GNG7: variants seen among roughly 807,000 people sequenced by gnomAD.
GNG7 encodes the protein G protein subunit gamma 7.
GNG7 carries 1 observed loss-of-function variant against 4.0 expected under a neutral mutation model. The ratio of observed to expected loss-of-function variants is 0.25; its 90% CI spans 0.09 to 1.18. The LOEUF (loss-of-function observed/expected upper bound fraction) is 1.18, where lower values mean the gene tolerates loss of function less well. Among genes scored for constraint, GNG7 ranks in the 50% most tolerant of loss-of-function variants. The probability of loss-of-function intolerance (pLI) is 0.50; values close to 1 mark genes in which losing one functional copy is unlikely to be tolerated. For synonymous variants in GNG7, 34 were observed against 36.9 expected (o/e 0.92, Z 0.29); for missense variants, 86 against 91.9 (o/e 0.94, Z 0.26).
At chr19:2,592,102 T>C (rs1980864719) in intron 2 of GNG7, among the ~76,000 whole-genome samples, 1 of 152,198 alleles carries the variant, frequency 6.6e-6, no homozygotes, top group Non-Finnish European at 1.5e-5. Flanking sequence ...TCCTGAGATA[T>C]TTAGACAAGG....
chr19:2,551,590 C>CAAATATATATTTATAAGTATGT (rs1568240124), intron 3 of GNG7, among the ~76,000 whole-genome samples: 1 of 122,576 alleles, frequency 8.2e-6, no homozygotes, highest in African/African-American at 3.0e-5. Context: ...TATAAATATG[C>CAAATATATATTTATAAGTATGT]ATTTATAAAT....
intron 1 of GNG7, among the ~76,000 whole-genome samples, chr19:2,652,678 T>C (rs1368085771): frequency 6.6e-6 from 1 of 150,480 alleles, no homozygotes; most frequent in Non-Finnish European, 1.5e-5. Context: ...AGAAGAGCGG[T>C]TAGTGGTAGA....
chr19:2,534,306 GCTCCACTCCCCA>G (rs1488792184), intron 3 of GNG7, among the ~76,000 whole-genome samples: 2 of 152,054 alleles, frequency 1.3e-5, no homozygotes, highest in Non-Finnish European at 2.9e-5. Flanking sequence ...AGTGGCCTCC[GCTCCACTCCCCA>G]CTCCCTCCAT....
intron 2 of GNG7, among the ~76,000 whole-genome samples, chr19:2,567,021 C>T (rs536605666): frequency 3.3e-5 from 5 of 151,710 alleles, no homozygotes; most frequent in South Asian, 2.1e-4. Context: ...AGGAGAATCG[C>T]TTGAATCCGG....
intron 2 of GNG7, among the ~76,000 whole-genome samples, chr19:2,567,397 A>G (rs1979955182): frequency 7.0e-6 from 1 of 143,276 alleles, no homozygotes; most frequent in Non-Finnish European, 1.5e-5. Context: ...CCCGTGGTGC[A>G]ATCACGCTGC....
intron 3 of GNG7, among the ~76,000 whole-genome samples, chr19:2,525,650 G>T (rs920328128): frequency 2.0e-5 from 3 of 152,158 alleles, no homozygotes; most frequent in African/African-American, 7.2e-5. Flanking sequence ...AGGGAGGGAG[G>T]TGGGACCACA....
chr19:2,550,703 G>A (rs1432418206), intron 3 of GNG7, among the ~76,000 whole-genome samples: 1 of 152,108 alleles, frequency 6.6e-6, no homozygotes, highest in Non-Finnish European at 1.5e-5. Context: ...CTCTGCCTCT[G>A]GCCAGCCCCC....
chr19:2,644,341 ATATATATATATATATAT>A, intron 2 of GNG7, among the ~76,000 whole-genome samples: 1 of 10,416 alleles, frequency 9.6e-5, no homozygotes, highest in Non-Finnish European at 1.9e-4. Context: ...ATATATATAT[ATATATATATATATATAT>A]ATATATATAT....
At chr19:2,552,717 G>A (rs1056303744) in intron 3 of GNG7, among the ~76,000 whole-genome samples, 3 of 151,278 alleles carry the variant, frequency 2.0e-5, no homozygotes, top group African/African-American at 4.9e-5. Flanking sequence ...AACAAGCTCC[G>A]GGCTCCCAGT....
intron 2 of GNG7, chr19:2,641,782 C>G (rs538066651): frequency 6.6e-6 from 1 of 152,060 alleles, no homozygotes; most frequent in Non-Finnish European, 1.5e-5. Flanking sequence ...CTGCCTCAGC[C>G]TCCTGAGTGG....
chr19:2,618,342 G>GTGTGT lies in GNG7; in HGVS notation c.-78+27881_-78+27882insACACA, dbSNP rs1555698059. On this transcript the variant is annotated intron_variant, in intron 2 of 4. Coordinates refer to ENST00000382159, the MANE Select transcript of GNG7 (RefSeq NM_052847.3). This position sits in a 1 kb window ranked among gnomAD's most constrained non-coding sequence, Gnocchi z 5.1. ...TTCTCTTTTCTACCTGTATGTGTGT[G>GTGTGT]GTGTGTGTGTGTGTGTGTGTGTGTG... Among the ~76,000 whole-genome samples the GTGTGT allele has an allele frequency of 1.0e-4, 15 of 146,402 alleles. No individual in the cohort carries two copies. Among genetic ancestry groups the GTGTGT allele is most frequent in the Non-Finnish European group, 2.3e-4 (15 of 66,100 alleles).
rs1555698932 is a variant in GNG7, at chr19:2,633,493, A to ACGCGCG, written c.-78+12730_-78+12731insCGCGCG. ...CAGGCGCGCGCGCGCGCGCGCACAC[A>ACGCGCG]CACACACACACACACACACACACAC... is the stretch of plus-strand genomic sequence containing the variant. On this transcript the variant is annotated intron_variant, in intron 2 of 4. Transcript: ENST00000382159. The surrounding 1 kb of genome is among the most constrained non-coding windows in gnomAD (Gnocchi z 5.9). 1.0e-3 allele frequency among the ~76,000 whole-genome samples: 119 copies of ACGCGCG among 115,200 alleles called. No homozygotes were observed. The highest frequency in any genetic ancestry group is 3.7e-3 in the African/African-American group (118 of 31,544). The allele number at this position is 115,200 out of a possible 152,430, so 75.6% of individuals were successfully genotyped here.
chr19:2,667,235 T>G (rs1983333778), intron 1 of GNG7, among the ~76,000 whole-genome samples: 1 of 152,126 alleles, frequency 6.6e-6, no homozygotes, highest in Non-Finnish European at 1.5e-5. Context: ...GGCGGCAGAA[T>G]CGCTTGAACC....
intron 1 of GNG7, among the ~76,000 whole-genome samples, chr19:2,665,819 G>A (rs1304029181): frequency 2.0e-5 from 3 of 152,120 alleles, no homozygotes; most frequent in Non-Finnish European, 4.4e-5. Context: ...GCACATACTG[G>A]CTTTATTATT....
At chr19:2,678,357 G>A (rs1375566633) in intron 1 of GNG7, among the ~76,000 whole-genome samples, 2 of 152,228 alleles carry the variant, frequency 1.3e-5, no homozygotes, top group Non-Finnish European at 2.9e-5. Flanking sequence ...AGAATTTTCT[G>A]AAATATAGTA....
chr19:2,553,500 A>C (rs933735079), intron 3 of GNG7, among the ~76,000 whole-genome samples: 2 of 147,818 alleles, frequency 1.4e-5, no homozygotes, highest in African/African-American at 4.9e-5. Flanking sequence ...TTTTATATGT[A>C]CATCTCATTA....
intron 3 of GNG7, among the ~76,000 whole-genome samples, chr19:2,548,437 C>T (rs1308440143): frequency 2.9e-5 from 4 of 138,224 alleles, no homozygotes; most frequent in African/African-American, 8.3e-5. Flanking sequence ...GTTGAGATCG[C>T]GCCATTGCAC....
chr19:2,678,749 G>A (rs748387320), intron 1 of GNG7, among the ~76,000 whole-genome samples: 40 of 152,030 alleles, frequency 2.6e-4, no homozygotes, highest in Non-Finnish European at 4.3e-4. Context: ...TTCTCTCAAG[G>A]GGTCCCAGCT....
At chr19:2,575,051 CTTTCT>C (rs1243965685) in intron 2 of GNG7, among the ~76,000 whole-genome samples, 4 of 151,518 alleles carry the variant, frequency 2.6e-5, no homozygotes, top group Middle Eastern at 3.4e-3. Context: ...TGGAATCTCT[CTTTCT>C]TTTTTCTTTT....
Sources: allele counts gnomAD v4.1 joint callset (sites outside exome capture counted in the v4.1 genomes callset), GRCh38; gene constraint gnomAD v4.1.1; non-coding constraint Gnocchi (gnomAD v3.1); transcripts MANE v1.5; gene names NCBI Gene and HGNC (gene_info 2026-07-23, HGNC 2026-07-21).